CCDC6: variants seen among roughly 807,000 people sequenced by gnomAD.
The protein encoded by CCDC6 is coiled-coil domain containing 6.
A neutral mutation model predicts 56.6 loss-of-function variants in CCDC6; 20 were observed. The observed-to-expected ratio is 0.35, with a 90% CI of 0.25 to 0.51. The LOEUF (loss-of-function observed/expected upper bound fraction) is 0.51, where lower values mean the gene tolerates loss of function less well. Ranked by LOEUF, CCDC6 falls within the 20% of genes least tolerant of loss-of-function variation. CCDC6 has a pLI of 0.95. For missense variants in CCDC6, 367 were observed against 601.1 expected, an observed-to-expected ratio of 0.61 and a Z score of 4.07; for synonymous variants, 241 against 234.4, an observed-to-expected ratio of 1.03 and a Z score of -0.26.
In CCDC6 at chr10:59,796,549, A is replaced by C. The variant is rs185009479; in HGVS notation, c.1106-1952T>G. On this transcript the variant is annotated intron_variant, in intron 7 of 8. Coordinates refer to ENST00000263102, the MANE Select transcript of CCDC6 (RefSeq NM_005436.5). ...AATCAGTATGAAAATGCCTCAAAAGATTAAAACTAGAAGTACCACATGATC... is the reference window on the plus strand; with the variant it reads ...AATCAGTATGAAAATGCCTCAAAAGCTTAAAACTAGAAGTACCACATGATC... 4.6e-5 allele frequency among the ~76,000 whole-genome samples: 7 copies of C among 152,360 alleles called. No homozygotes were observed. In the East Asian group the frequency reaches 1.2e-3, roughly 25 times the overall value.
At chr10:59,858,260 C>A (rs889451775) in intron 1 of CCDC6, among the ~76,000 whole-genome samples, 1 of 152,090 alleles carries the variant, frequency 6.6e-6, no homozygotes, top group African/African-American at 2.4e-5. Flanking sequence ...CTTTGGAAGC[C>A]CTAGACTAGT....
At chr10:59,902,233 C>T (rs775227744) in intron 1 of CCDC6, among the ~76,000 whole-genome samples, 4 of 152,036 alleles carry the variant, frequency 2.6e-5, no homozygotes, top group Non-Finnish European at 4.4e-5. Context: ...CCAGAATAGC[C>T]GCTTACATAC....
At chr10:59,825,186 T>A (rs1489620548) in intron 3 of CCDC6, among the ~76,000 whole-genome samples, 1 of 152,244 alleles carries the variant, frequency 6.6e-6, no homozygotes, top group Non-Finnish European at 1.5e-5. Flanking sequence ...TGAATTGTAC[T>A]CCCATAATTC....
chr10:59,822,634 T>C (rs556794461), intron 3 of CCDC6, among the ~76,000 whole-genome samples: 2 of 152,132 alleles, frequency 1.3e-5, no homozygotes, highest in Non-Finnish European at 2.9e-5. Flanking sequence ...GTGGTGCATG[T>C]CTGTAATCCC....
intron 1 of CCDC6, among the ~76,000 whole-genome samples, chr10:59,873,969 A>G (rs958999384): frequency 3.9e-5 from 6 of 152,196 alleles, no homozygotes; most frequent in African/African-American, 1.4e-4. Context: ...ACATTTAGAC[A>G]CAATACAGCT....
intron 6 of CCDC6, chr10:59,806,594 C>T (rs2070625803): frequency 4.2e-6 from 1 of 238,450 alleles, no homozygotes; most frequent in Admixed American, 5.0e-5. Context: ...TTAATATGTT[C>T]CCATGCTTTA....
chr10:59,814,787 T>A (rs753566115), intron 3 of CCDC6, 32 bp from the exon 4 acceptor site: 1 of 1,344,648 alleles, frequency 7.4e-7, no homozygotes, highest in South Asian at 1.2e-5. Context: ...TACCAAAGTG[T>A]CAGGCCACTT....
At chr10:59,811,347 T>G (rs556927335) in intron 5 of CCDC6, among the ~76,000 whole-genome samples, 1 of 152,198 alleles carries the variant, frequency 6.6e-6, no homozygotes, top group Non-Finnish European at 1.5e-5. Context: ...GCACATTCCA[T>G]GTGGCCCAAC....
rs143286549 is a variant in CCDC6 at position 59,866,629 on chromosome 10, TA to T, written c.304-13928del. ...CCACACATTTCGGCCTCACGTCGTATATAGGGAAACTAGCTCAGAGAGGTCA... is the reference window on the plus strand; with the variant it reads ...CCACACATTTCGGCCTCACGTCGTATTAGGGAAACTAGCTCAGAGAGGTCA... On this transcript the variant is annotated intron_variant, in intron 1 of 8. Transcript: ENST00000263102. Among the ~76,000 whole-genome samples, 1,284 of 152,248 alleles carry T rather than the reference TA, an allele frequency of 8.4e-3. 8 individuals are homozygous for T. Among genetic ancestry groups the T allele is most frequent in the Middle Eastern group, 0.017 (5 of 294 alleles).
chr10:59,799,358 G>T (rs919057688), intron 7 of CCDC6, among the ~76,000 whole-genome samples: 6 of 151,986 alleles, frequency 3.9e-5, no homozygotes, highest in African/African-American at 9.7e-5. Flanking sequence ...CCCAGGAGGC[G>T]GAGGTTGCAC....
chr10:59,802,799 AGG>A (rs2070589101), intron 7 of CCDC6, among the ~76,000 whole-genome samples: 1 of 152,206 alleles, frequency 6.6e-6, no homozygotes, highest in African/African-American at 2.4e-5. Flanking sequence ...TTCCTAACCA[AGG>A]TCTGACATTT....
At chr10:59,827,923 G>T (rs1487597418) in intron 3 of CCDC6, among the ~76,000 whole-genome samples, 1 of 152,094 alleles carries the variant, frequency 6.6e-6, no homozygotes, top group African/African-American at 2.4e-5. Flanking sequence ...TAATAACCAT[G>T]GAGTGTCTAA....
intron 1 of CCDC6, among the ~76,000 whole-genome samples, chr10:59,881,825 T>G (rs2071337629): frequency 6.6e-6 from 1 of 152,200 alleles, no homozygotes; most frequent in African/African-American, 2.4e-5. Context: ...CAATGTGTGA[T>G]AGGGTAGACG....
Position 59,843,175 on chromosome 10 carries a change from C to T in CCDC6, c.453+9378G>A, listed in dbSNP as rs548316197. Reference sequence around the variant, plus strand: ...TGTTGGGATTACAGGCGTGAGCCAACGCGCCCGGCCAGAAGACAAATTACT... The same window carrying T: ...TGTTGGGATTACAGGCGTGAGCCAATGCGCCCGGCCAGAAGACAAATTACT... On this transcript the variant is annotated intron_variant, in intron 2 of 8. Coordinates refer to ENST00000263102, the MANE Select transcript of CCDC6 (RefSeq NM_005436.5). Among the ~76,000 whole-genome samples, 10 of 152,334 alleles carry T rather than the reference C, an allele frequency of 6.6e-5. No individual in the cohort carries two copies. The East Asian group carries it at 1.4e-3, about 21-fold the overall frequency.
chr10:59,818,293 T>C (rs2070723372), intron 3 of CCDC6, among the ~76,000 whole-genome samples: 1 of 152,080 alleles, frequency 6.6e-6, no homozygotes, highest in Admixed American at 6.5e-5. Context: ...TGGCATCTGT[T>C]GGTAGAGTTA....
intron 1 of CCDC6, among the ~76,000 whole-genome samples, chr10:59,869,046 ACTC>A (rs2071202525): frequency 6.6e-6 from 1 of 151,536 alleles, no homozygotes; most frequent in Non-Finnish European, 1.5e-5. Context: ...GGTCCTGGGG[ACTC>A]CTGACACACC....
intron 7 of CCDC6, among the ~76,000 whole-genome samples, chr10:59,798,712 G>T (rs1589033223): frequency 6.6e-6 from 1 of 152,124 alleles, no homozygotes; most frequent in African/African-American, 2.4e-5. Flanking sequence ...ATATAAAAGT[G>T]GGCTGGACGT....
chr10:59,848,967 C>T (rs554839553), intron 2 of CCDC6, among the ~76,000 whole-genome samples: 2 of 152,344 alleles, frequency 1.3e-5, no homozygotes, highest in East Asian at 1.9e-4. Context: ...CCACCTGCCT[C>T]GGCCTCCCAA....
chr10:59,845,190 T>G (rs1431404333), intron 2 of CCDC6, among the ~76,000 whole-genome samples: 1 of 152,154 alleles, frequency 6.6e-6, no homozygotes, highest in Non-Finnish European at 1.5e-5. Flanking sequence ...CCCATCTACT[T>G]TGGTAAATAA....
Sources: gnomAD v4.1 joint callset for allele counts (sites outside exome capture counted in the v4.1 genomes callset) on GRCh38, gnomAD v4.1.1 for gene constraint, MANE v1.5 for transcripts, NCBI Gene and HGNC (gene_info 2026-07-23, HGNC 2026-07-21) for gene names.